ARL15: variants seen among roughly 807,000 people sequenced by gnomAD.
ARL15 encodes the protein ARF like GTPase 15, also known as ADP-ribosylation factor-like protein 15.
Under a neutral mutation model 25.2 loss-of-function variants are expected in ARL15, and 19 were observed. That is an observed-to-expected ratio of 0.75 (90% confidence interval 0.53 to 1.10). The LOEUF (loss-of-function observed/expected upper bound fraction) is 1.10. Ranked by LOEUF, ARL15 falls within the 50% of genes least tolerant of loss-of-function variation. The pLI is 0.00. For synonymous variants in ARL15, 94 were observed against 86.8 expected (o/e 1.08, Z -0.46); for missense variants, 220 against 246.0 (o/e 0.89, Z 0.71).
chr5:54,279,376 C>T (rs148762466), intron 1 of ARL15, among the ~76,000 whole-genome samples: 30 of 152,130 alleles, frequency 2.0e-4, no homozygotes, highest in Non-Finnish European at 2.8e-4. Flanking sequence ...ATCAGGGTGC[C>T]GGCATGGTCA....
At chr5:53,913,559 G>C (rs879267377) in intron 4 of ARL15, among the ~76,000 whole-genome samples, 6 of 152,166 alleles carry the variant, frequency 3.9e-5, no homozygotes, top group Admixed American at 6.6e-5. Flanking sequence ...CTTTGGGTAA[G>C]TCCCTTGACT....
chr5:53,988,947 T>C (rs765390990), intron 4 of ARL15, among the ~76,000 whole-genome samples: 1 of 152,194 alleles, frequency 6.6e-6, no homozygotes, highest in Middle Eastern at 3.2e-3. Flanking sequence ...CATCAAGAAC[T>C]GAACACCAGG....
intron 4 of ARL15, chr5:53,887,430 C>T: frequency 1.4e-6 from 1 of 696,682 alleles, no homozygotes; most frequent in Non-Finnish European, 2.6e-6. Flanking sequence ...TGCTGAAAAA[C>T]CTGTTCAATT....
chr5:54,140,928 C>T (rs1305606426), intron 3 of ARL15, among the ~76,000 whole-genome samples: 1 of 152,130 alleles, frequency 6.6e-6, no homozygotes, highest in East Asian at 1.9e-4. Flanking sequence ...TATATTTTTT[C>T]ACCTTAATGT....
chr5:54,264,855 T>C (rs1431777308), intron 1 of ARL15, among the ~76,000 whole-genome samples: 12 of 152,212 alleles, frequency 7.9e-5, no homozygotes, highest in African/African-American at 2.7e-4. Flanking sequence ...TATCATGTGC[T>C]ATTTTTTCCC....
chr5:54,110,958 T>C (rs201624570), intron 4 of ARL15, among the ~76,000 whole-genome samples: 1 of 152,016 alleles, frequency 6.6e-6, no homozygotes, highest in Non-Finnish European at 1.5e-5. Context: ...TTCTCTGTCA[T>C]CAAGAAATGG....
chr5:53,977,217 C>A (rs558832760), intron 4 of ARL15, among the ~76,000 whole-genome samples: 2 of 152,024 alleles, frequency 1.3e-5, no homozygotes, highest in South Asian at 4.2e-4. Context: ...ATTAGCCGGG[C>A]GTGGTGGCGG....
chr5:53,947,869 G>A (rs906419237), intron 4 of ARL15, among the ~76,000 whole-genome samples: 1 of 152,086 alleles, frequency 6.6e-6, no homozygotes, highest in East Asian at 1.9e-4. Flanking sequence ...ATGAAAGAAA[G>A]GGGGAGGGCT....
At chr5:54,237,687 ACTGTTAC>A (rs1756845947) in intron 1 of ARL15, among the ~76,000 whole-genome samples, 1 of 152,352 alleles carries the variant, frequency 6.6e-6, no homozygotes, top group African/African-American at 2.4e-5. Context: ...TGTTTTTAAG[ACTGTTAC>A]CACCTGAGGG....
At chr5:54,173,924 C>T (rs1380559359) in intron 1 of ARL15, among the ~76,000 whole-genome samples, 1 of 152,042 alleles carries the variant, frequency 6.6e-6, no homozygotes, top group Non-Finnish European at 1.5e-5. Flanking sequence ...TTCCTTCTTC[C>T]CCCAATTCTG....
intron 3 of ARL15, among the ~76,000 whole-genome samples, chr5:54,118,088 G>T (rs1752961147): frequency 6.6e-6 from 1 of 152,118 alleles, no homozygotes; most frequent in African/African-American, 2.4e-5. Flanking sequence ...GTACAAGAAA[G>T]ACCAATGCAA....
At chr5:54,160,666 G>A (rs534319480) in intron 2 of ARL15, among the ~76,000 whole-genome samples, 1 of 152,130 alleles carries the variant, frequency 6.6e-6, no homozygotes, top group Admixed American at 6.5e-5. Flanking sequence ...CTCTCTGGAG[G>A]ATTTCTTGGC....
chr5:54,012,329 A>G (rs1561188449), intron 4 of ARL15, among the ~76,000 whole-genome samples: 1 of 152,138 alleles, frequency 6.6e-6, no homozygotes, highest in East Asian at 1.9e-4. Context: ...TGATTGTTTT[A>G]TGGGTTCCAT....
chr5:54,281,124 C>T (rs935628553), intron 1 of ARL15, among the ~76,000 whole-genome samples: 1 of 152,048 alleles, frequency 6.6e-6, no homozygotes, highest in African/African-American at 2.4e-5. Context: ...CAAGTTAAAA[C>T]CCAGAATATT....
intron 1 of ARL15, among the ~76,000 whole-genome samples, chr5:54,224,056 G>T (rs1345871991): frequency 6.6e-6 from 1 of 152,176 alleles, no homozygotes; most frequent in African/African-American, 2.4e-5. Flanking sequence ...AGGATGTTGT[G>T]TGCTTGTGGC....
At chr5:53,953,528 C>G (rs115736417) in intron 4 of ARL15, among the ~76,000 whole-genome samples, 1 of 152,020 alleles carries the variant, frequency 6.6e-6, no homozygotes, top group African/African-American at 2.4e-5. Context: ...AAATTTATTA[C>G]GCAAAATTTA....
At chr5:54,126,150 G>A (rs1163288874) in intron 3 of ARL15, among the ~76,000 whole-genome samples, 1 of 151,984 alleles carries the variant, frequency 6.6e-6, no homozygotes, top group Non-Finnish European at 1.5e-5. Context: ...TTCTCTTGTT[G>A]TACATCCTCT....
intron 1 of ARL15, among the ~76,000 whole-genome samples, chr5:54,222,269 T>C (rs26768): frequency 0.14 from 22,025 of 152,244 alleles, 1,881 homozygotes; most frequent in Admixed American, 0.27. Flanking sequence ...TACTGATTAT[T>C]TTCCCCAAAA....
chr5:53,926,434 C>T (rs1258817832), intron 4 of ARL15, among the ~76,000 whole-genome samples: 1 of 152,098 alleles, frequency 6.6e-6, no homozygotes. Flanking sequence ...ACCCCAGCCA[C>T]TTCATCCAAA....
Sources: gnomAD v4.1 joint callset for allele counts (sites outside exome capture counted in the v4.1 genomes callset) on GRCh38, gnomAD v4.1.1 for gene constraint, MANE v1.5 for transcripts, NCBI Gene and HGNC (gene_info 2026-07-23, HGNC 2026-07-21) for gene names.